Variants in MAP2K4 observed in about 807,000 individuals in gnomAD.
MAP2K4 encodes the protein mitogen-activated protein kinase kinase 4, also known as dual specificity mitogen-activated protein kinase kinase 4.
In MAP2K4, 4 loss-of-function variants were observed where a neutral mutation model predicts 48.5. The ratio of observed to expected loss-of-function variants is 0.08; its 90% confidence interval spans 0.04 to 0.19. MAP2K4 has a LOEUF of 0.19. MAP2K4 is among the 10% of genes least tolerant of loss of function. MAP2K4 has a pLI of 1.00. For synonymous variants in MAP2K4, 166 were observed against 173.1 expected, an observed-to-expected ratio of 0.96 and a Z score of 0.32; for missense variants, 258 against 493.3, an observed-to-expected ratio of 0.52 and a Z score of 4.52.
chr17:12,025,770 G>A lies in MAP2K4; in HGVS notation c.115+4769G>A, dbSNP rs954825631. On this transcript the variant is annotated intron_variant, in intron 1 of 10. Coordinates refer to ENST00000353533, the MANE Select transcript of MAP2K4 (RefSeq NM_003010.4). The stretch of plus-strand genomic sequence containing the variant: ...AATGAAGTATATCTGTTAAGAAAAA[G>A]TCAAGAGATTTAAAATCAATGTAGT... Among the ~76,000 whole-genome samples the A allele has an allele frequency of 2.6e-5, 4 of 152,128 alleles. No individual in the cohort carries two copies. In the South Asian group the frequency reaches 8.3e-4, roughly 32 times the overall value.
chr17:12,055,220 T>TA (rs896036982), intron 2 of MAP2K4, among the ~76,000 whole-genome samples: 1 of 152,088 alleles, frequency 6.6e-6, no homozygotes, highest in African/African-American at 2.4e-5. Flanking sequence ...AGTGACAAAA[T>TA]AGAGTCCCAT....
intron 1 of MAP2K4, among the ~76,000 whole-genome samples, chr17:12,040,365 A>G (rs1299497230): frequency 6.6e-6 from 1 of 152,238 alleles, no homozygotes; most frequent in Non-Finnish European, 1.5e-5. Flanking sequence ...ACTGAAGGAT[A>G]TGAAAGTGTA....
At chr17:12,100,120 T>C (rs1036252889) in intron 4 of MAP2K4, among the ~76,000 whole-genome samples, 11 of 152,208 alleles carry the variant, frequency 7.2e-5, no homozygotes, top group Non-Finnish European at 1.5e-4. Flanking sequence ...CAGTTTGATA[T>C]GTTTGAACAA....
At chr17:12,120,843 A>G (rs969805536) in intron 7 of MAP2K4, among the ~76,000 whole-genome samples, 8 of 152,232 alleles carry the variant, frequency 5.3e-5, no homozygotes, top group African/African-American at 1.9e-4. Context: ...ATCAAAACAC[A>G]GCATCGTAGT....
intron 9 of MAP2K4, among the ~76,000 whole-genome samples, chr17:12,136,966 A>G (rs1021102201): frequency 2.6e-5 from 4 of 152,276 alleles, no homozygotes; most frequent in Admixed American, 1.3e-4. Context: ...TAAGCAAGCT[A>G]TGGTACTACA....
chr17:12,113,066 T>C, intron 6 of MAP2K4, 167 bp from the exon 7 acceptor site: 1 of 514,616 alleles, frequency 1.9e-6, no homozygotes, highest in South Asian at 3.2e-5. Flanking sequence ...AAAACATGAA[T>C]AATTATTGTA....
At chr17:12,073,771 T>G (rs1460782114) in intron 2 of MAP2K4, among the ~76,000 whole-genome samples, 1 of 34,112 alleles carries the variant, frequency 2.9e-5, no homozygotes, top group Non-Finnish European at 1.3e-4. Flanking sequence ...TCGTTGTAGA[T>G]TTTTTTTTTT....
intron 4 of MAP2K4, among the ~76,000 whole-genome samples, chr17:12,104,481 G>C (rs956920789): frequency 6.6e-6 from 1 of 152,026 alleles, no homozygotes; most frequent in Non-Finnish European, 1.5e-5. Context: ...ATTTTTGGCA[G>C]TTTGAAATGG....
At chr17:12,033,629 A>G (rs750488694) in intron 1 of MAP2K4, among the ~76,000 whole-genome samples, 4 of 152,186 alleles carry the variant, frequency 2.6e-5, no homozygotes, top group Non-Finnish European at 5.9e-5. Flanking sequence ...ACCTTTATAT[A>G]TGATATATAT....
intron 2 of MAP2K4, among the ~76,000 whole-genome samples, chr17:12,073,725 G>A (rs1277498294): frequency 6.6e-6 from 1 of 151,428 alleles, no homozygotes. Flanking sequence ...CCATAGTCAA[G>A]TTAACATATC....
chr17:12,056,557 T>G (rs553310940), intron 2 of MAP2K4, among the ~76,000 whole-genome samples: 1 of 152,232 alleles, frequency 6.6e-6, no homozygotes, highest in East Asian at 1.9e-4. Context: ...TAATAGGTAG[T>G]TTTACCTTAT....
At chr17:12,138,761 G>A (rs1973285428) in intron 9 of MAP2K4, among the ~76,000 whole-genome samples, 1 of 152,172 alleles carries the variant, frequency 6.6e-6, no homozygotes, top group Non-Finnish European at 1.5e-5. Context: ...CTACCAATGA[G>A]AAGGAAACGA....
intron 8 of MAP2K4, 147 bp from the exon 9 acceptor site, chr17:12,128,992 C>T (rs774918748): frequency 3.5e-5 from 23 of 653,928 alleles, no homozygotes; most frequent in Middle Eastern, 4.2e-4. Context: ...CTTTATGATT[C>T]TGAAGATTCC....
chr17:12,122,947 A>G (rs1051844116), intron 7 of MAP2K4, among the ~76,000 whole-genome samples: 2 of 152,164 alleles, frequency 1.3e-5, no homozygotes, highest in African/African-American at 2.4e-5. Context: ...ATTTTCAAGT[A>G]TTAAGTTAGT....
chr17:12,081,659 C>T lies in MAP2K4; in HGVS notation c.393+129C>T. 3.4e-6 allele frequency: 3 copies of T among 870,584 alleles called. No individual in the cohort carries two copies. The highest frequency in any genetic ancestry group is 1.7e-5 in the South Asian group (1 of 57,274). 53.9% of individuals were successfully genotyped at this position (870,584 alleles called of 1,614,324 possible). A position where few individuals can be genotyped will look rare whatever the true frequency, so the allele number is the denominator to read the frequency against. On this transcript the variant is annotated intron_variant, in intron 3 of 10. Coordinates refer to ENST00000353533, the MANE Select transcript of MAP2K4 (RefSeq NM_003010.4). This position sits in a 1 kb window ranked among gnomAD's most constrained non-coding sequence, Gnocchi z 4.2. ...GGTGTTTAAAAAATTGTTTCTCCAA[C>T]TCCTTTGAGGGTGTTCTGTGTAGAG... is the stretch of plus-strand genomic sequence containing the variant.
At chr17:12,030,350 T>C (rs1969396331) in intron 1 of MAP2K4, among the ~76,000 whole-genome samples, 1 of 152,190 alleles carries the variant, frequency 6.6e-6, no homozygotes, top group Non-Finnish European at 1.5e-5. Flanking sequence ...AGAAATAATG[T>C]GGAGAGATGG....
chr17:12,026,610 C>G (rs1171266211), intron 1 of MAP2K4, among the ~76,000 whole-genome samples: 2 of 152,166 alleles, frequency 1.3e-5, no homozygotes, highest in Non-Finnish European at 2.9e-5. Flanking sequence ...GTTTTAACCA[C>G]CTGGGTGACT....
intron 1 of MAP2K4, chr17:12,032,117 G>A (rs958031549): frequency 7.6e-6 from 3 of 394,844 alleles, no homozygotes; most frequent in African/African-American, 6.2e-5. Flanking sequence ...GAAAGCTCAT[G>A]TGTTATTGTC....
At chr17:12,042,890 AC>A (rs1285512834) in intron 1 of MAP2K4, among the ~76,000 whole-genome samples, 1 of 152,086 alleles carries the variant, frequency 6.6e-6, no homozygotes, top group Non-Finnish European at 1.5e-5. Flanking sequence ...TACTAAAAAT[AC>A]AAAAAATTAG....
Sources: gnomAD v4.1 joint callset for allele counts (sites outside exome capture counted in the v4.1 genomes callset) on GRCh38, gnomAD v4.1.1 for gene constraint, Gnocchi (gnomAD v3.1) non-coding constraint, MANE v1.5 for transcripts, NCBI Gene and HGNC (gene_info 2026-07-23, HGNC 2026-07-21) for gene names.